Variants in NLGN1 observed in about 807,000 individuals in gnomAD.
The protein encoded by NLGN1 is neuroligin 1.
A neutral mutation model predicts 65.5 loss-of-function variants in NLGN1; 12 were observed. The ratio of observed to expected loss-of-function variants is 0.18; its 90% CI spans 0.12 to 0.30. The LOEUF (loss-of-function observed/expected upper bound fraction) is 0.30, where lower values mean the gene tolerates loss of function less well. NLGN1 is among the 10% of genes least tolerant of loss of function. The probability of loss-of-function intolerance (pLI) is 1.00; values close to 1 mark genes in which losing one functional copy is unlikely to be tolerated. For missense variants in NLGN1, 750 were observed against 1,007.1 expected, an observed-to-expected ratio of 0.74 and a Z score of 3.46; for synonymous variants, 350 against 359.5, an observed-to-expected ratio of 0.97 and a Z score of 0.30.
In NLGN1 at chr3:174,162,775, T is replaced by G; in HGVS notation, c.647-112540T>G. Among the ~76,000 whole-genome samples, 2 of 150,696 alleles carry G rather than the reference T, an allele frequency of 1.3e-5. 1 individual carries two copies. The highest frequency in any genetic ancestry group is 3.9e-4 in the East Asian group (2 of 5,112). ...TGTGAGCTTCCCATGGATTCCTATCTAGTGTGTTGTCATAGCCTATAATTC... is the reference window on the plus strand; with the variant it reads ...TGTGAGCTTCCCATGGATTCCTATCGAGTGTGTTGTCATAGCCTATAATTC... On this transcript the variant is annotated intron_variant, in intron 4 of 6. Coordinates refer to ENST00000457714, the Ensembl canonical transcript of NLGN1.
rs190035429 is a variant in NLGN1 at position 174,108,082 on chromosome 3, T to C, written c.647-167233T>C. Among the ~76,000 whole-genome samples, 388 of 152,290 alleles carry C rather than the reference T, an allele frequency of 2.5e-3. 1 individual carries two copies. In the Middle Eastern group the frequency reaches 0.048, roughly 19 times the overall value. On this transcript the variant is annotated intron_variant, in intron 4 of 6. Coordinates refer to ENST00000457714, the Ensembl canonical transcript of NLGN1. ...TATGAAGTTTACAGATTTTTCTTTC[T>C]ATAGCTTGTCTTTTGATCCTTTTAA... is the stretch of plus-strand genomic sequence containing the variant.
chr3:174,128,764 A>G (rs1482350009), intron 4 of NLGN1, among the ~76,000 whole-genome samples: 1 of 152,152 alleles, frequency 6.6e-6, no homozygotes, highest in Admixed American at 6.5e-5. Flanking sequence ...ACATTCAGGA[A>G]GGCTGGGTTC....
chr3:173,428,216 C>T (rs531249201), intron 1 of NLGN1, among the ~76,000 whole-genome samples: 18 of 151,706 alleles, frequency 1.2e-4, no homozygotes, highest in Admixed American at 3.3e-4. Flanking sequence ...AGTGAGTTTC[C>T]TGTAGGCAGC....
chr3:173,820,191 A>AG lies in NLGN1; in HGVS notation c.646+12359_646+12360insG, dbSNP rs1491533852. Among the ~76,000 whole-genome samples the AG allele has an allele frequency of 4.8e-5, 3 of 62,548 alleles. No individual in the cohort carries two copies. In the East Asian group the frequency reaches 7.1e-4, roughly 15 times the overall value. 41.0% of individuals were successfully genotyped at this position (62,548 alleles called of 152,430 possible). On this transcript the variant is annotated intron_variant, in intron 4 of 6. Transcript: ENST00000457714. ...GAGATTCAGTCTCGAAAAAAAAAAA[A>AG]AAAAAAAAAAAACGAGAAAGAGTAG...
At chr3:174,029,412 GT>G (rs1465128903) in intron 4 of NLGN1, among the ~76,000 whole-genome samples, 1 of 152,160 alleles carries the variant, frequency 6.6e-6, no homozygotes, top group Non-Finnish European at 1.5e-5. Context: ...TAGCCCCTTT[GT>G]TTTGGCCAAT....
At chr3:174,228,728 A>G (rs992169020) in intron 4 of NLGN1, among the ~76,000 whole-genome samples, 1 of 152,110 alleles carries the variant, frequency 6.6e-6, no homozygotes, top group South Asian at 2.1e-4. Flanking sequence ...ACTCTTCTTC[A>G]GAGTATTCCC....
chr3:174,034,796 T>G (rs562459073), intron 4 of NLGN1, among the ~76,000 whole-genome samples: 1 of 152,122 alleles, frequency 6.6e-6, no homozygotes, highest in African/African-American at 2.4e-5. Flanking sequence ...ATGTAACAAA[T>G]GGAATCTAAG....
rs1262260287 is a variant in NLGN1, at chr3:173,777,888, T to C, written c.494-29792T>C. 2.0e-5 allele frequency among the ~76,000 whole-genome samples: 3 copies of C among 151,906 alleles called. No individual in the cohort carries two copies. In the East Asian group the frequency reaches 5.8e-4, roughly 29 times the overall value. On this transcript the variant is annotated intron_variant, in intron 3 of 6. Transcript: ENST00000457714. ...GGCTCATACAAATTTCCCAAGTATC[T>C]ATTCCATTCATTAAAAAATCTAGCA...
chr3:173,918,692 G>A (rs1397372463), intron 4 of NLGN1, among the ~76,000 whole-genome samples: 1 of 137,670 alleles, frequency 7.3e-6, no homozygotes, highest in Non-Finnish European at 1.6e-5. Context: ...GTGTGTGTGT[G>A]TGTGTGTGTG....
chr3:174,024,157 A>AAAAAAAAAAAAG (rs1728362657), intron 4 of NLGN1, among the ~76,000 whole-genome samples: 1 of 151,592 alleles, frequency 6.6e-6, no homozygotes, highest in African/African-American at 2.4e-5. Flanking sequence ...AAAAAAAAAA[A>AAAAAAAAAAAAG]AAAAAAAAAC....
intron 2 of NLGN1, among the ~76,000 whole-genome samples, chr3:173,519,600 T>G (rs2149129624): frequency 6.6e-6 from 1 of 152,384 alleles, no homozygotes; most frequent in Non-Finnish European, 1.5e-5. Flanking sequence ...CCTGCTGGGT[T>G]TTGAACTTGT....
exon 7 of NLGN1, chr3:174,281,185 C>G: frequency 6.2e-7 from 1 of 1,613,252 alleles, no homozygotes; most frequent in Non-Finnish European, 8.5e-7. Flanking sequence ...ACAATGATTC[C>G]CAACACTATA....
At chr3:173,736,049 T>C (rs978564517) in intron 3 of NLGN1, among the ~76,000 whole-genome samples, 2 of 151,944 alleles carry the variant, frequency 1.3e-5, no homozygotes, top group South Asian at 2.1e-4. Flanking sequence ...CACAGAAAAG[T>C]TGGAAGACTT....
chr3:174,075,800 A>T (rs1489162784), intron 4 of NLGN1, among the ~76,000 whole-genome samples: 1 of 152,232 alleles, frequency 6.6e-6, no homozygotes, highest in Non-Finnish European at 1.5e-5. Flanking sequence ...CAGTATTTAG[A>T]TATAAATCTC....
intron 4 of NLGN1, among the ~76,000 whole-genome samples, chr3:174,098,487 T>C (rs1272524552): frequency 6.6e-6 from 1 of 152,152 alleles, no homozygotes; most frequent in African/African-American, 2.4e-5. Context: ...TCAGAAAATC[T>C]GCTGCCTCAA....
rs374977435 is a variant in NLGN1 at position 173,678,323 on chromosome 3, G to A, written c.493+73232G>A. 1.1e-4 allele frequency among the ~76,000 whole-genome samples: 17 copies of A among 152,192 alleles called. No individual in the cohort carries two copies. The East Asian group carries it at 1.2e-3, about 10-fold the overall frequency. On this transcript the variant is annotated intron_variant, in intron 3 of 6. Coordinates refer to ENST00000457714, the Ensembl canonical transcript of NLGN1. ...ACATACAGACTGTTAAGAGGGCTAC[G>A]TTAGAAATAATTACTACACAGATTA...
intron 4 of NLGN1, among the ~76,000 whole-genome samples, chr3:174,051,836 T>C (rs1734954535): frequency 6.6e-6 from 1 of 151,978 alleles, no homozygotes. Context: ...CACAGGCAGA[T>C]TGGCCTCATA....
intron 2 of NLGN1, among the ~76,000 whole-genome samples, chr3:173,600,610 A>G (rs1034886800): frequency 2.5e-4 from 3 of 11,804 alleles, no homozygotes; most frequent in Non-Finnish European, 1.4e-3. Context: ...TTAGAAAAAG[A>G]TATGTAAAAG....
At chr3:173,678,500 G>A (rs1763484903) in intron 3 of NLGN1, among the ~76,000 whole-genome samples, 1 of 152,008 alleles carries the variant, frequency 6.6e-6, no homozygotes, top group Non-Finnish European at 1.5e-5. Flanking sequence ...AGGAATCGTA[G>A]GAATTAACAG....
Sources: gnomAD v4.1 joint callset for allele counts (sites outside exome capture counted in the v4.1 genomes callset) on GRCh38, gnomAD v4.1.1 for gene constraint, MANE v1.5 for transcripts, NCBI Gene and HGNC (gene_info 2026-07-23, HGNC 2026-07-21) for gene names.